Variants in CACNA2D4 observed in about 807,000 individuals in gnomAD.
The protein encoded by CACNA2D4 is calcium voltage-gated channel auxiliary subunit alpha2delta 4, also known as voltage-dependent calcium channel subunit alpha-2/delta-4.
Under a neutral mutation model 163.8 loss-of-function variants are expected in CACNA2D4, and 157 were observed. That is an observed-to-expected ratio of 0.96 (90% CI 0.84 to 1.09). The LOEUF (loss-of-function observed/expected upper bound fraction) is 1.09. Ranked by LOEUF, CACNA2D4 falls within the 50% of genes least tolerant of loss-of-function variation. CACNA2D4 has a pLI of 0.00. For synonymous variants in CACNA2D4, 598 were observed against 586.9 expected (o/e 1.02, Z -0.27); for missense variants, 1,410 against 1,479.9 (o/e 0.95, Z 0.78).
At chr12:1,796,075 C>G in intron 35 of CACNA2D4, 1 of 338,034 alleles carries the variant, frequency 3.0e-6, no homozygotes, top group Non-Finnish European at 5.5e-6. Context: ...TATGCAGGGA[C>G]GACAGGCGTA....
At position 1,862,977 on chromosome 12, in the gene CACNA2D4, C is replaced by A. The variant is rs533528965; in HGVS notation, c.1879-2771G>T. On this transcript the variant is annotated intron_variant, in intron 18 of 37. Transcript: ENST00000382722. ...GATTTTATTTCATGTTTAGTGCTTT[C>A]TGTGTTTTTGCCTAGGAAATCTTTG... is the stretch of plus-strand genomic sequence containing the variant. 1.7e-4 allele frequency among the ~76,000 whole-genome samples: 26 copies of A among 152,254 alleles called. No homozygotes were observed. The South Asian group carries it at 3.9e-3, about 23-fold the overall frequency.
At chr12:1,881,549 C>T (rs899099904) in intron 13 of CACNA2D4, among the ~76,000 whole-genome samples, 6 of 152,366 alleles carry the variant, frequency 3.9e-5, no homozygotes, top group African/African-American at 1.4e-4. Context: ...GGGCTGGCTA[C>T]TGGCAGGCAG....
Position 1,879,824 on chromosome 12 carries a change from A to G in CACNA2D4, c.1543T>C (p.Phe515Leu). 1 of 1,603,086 alleles carries G rather than the reference A, an allele frequency of 6.2e-7. No homozygotes were observed. Among genetic ancestry groups the G allele is most frequent in the Non-Finnish European group, 8.5e-7 (1 of 1,174,902 alleles). The change falls in exon 14 of 38, where the codon TTC becomes CTC. Residue 515 changes from phenylalanine to leucine, a missense_variant. Transcript: ENST00000382722. ...CTCACCGTTTCGTTCTTCTTGCTGA[A>G]GACTGGCATGGCCACAGTGGTGAGC... ...TLLTTVAMPV[F>L]SKKNETRSHG...
Position 1,828,911 on chromosome 12 carries a change from C to A in CACNA2D4, c.2551+11828G>T, listed in dbSNP as rs1310796631. On this transcript the variant is annotated intron_variant, in intron 26 of 37. Coordinates refer to ENST00000382722, the MANE Select transcript of CACNA2D4 (RefSeq NM_172364.5). This position sits in a 1 kb window ranked among gnomAD's most constrained non-coding sequence, Gnocchi z 4.2. The stretch of plus-strand genomic sequence containing the variant: ...TTTATATGTGGCAAAGGGACCAGGT[C>A]AGCAAGGGCTGGTCTGCCCAAGGCT... 2.0e-5 allele frequency among the ~76,000 whole-genome samples: 3 copies of A among 152,200 alleles called. No homozygotes were observed. The highest frequency in any genetic ancestry group is 4.4e-5 in the Non-Finnish European group (3 of 68,036).
intron 23 of CACNA2D4, among the ~76,000 whole-genome samples, chr12:1,852,085 A>G (rs1865296025): frequency 6.6e-6 from 1 of 152,094 alleles, no homozygotes; most frequent in Admixed American, 6.5e-5. Context: ...ATAACCTGCT[A>G]TTTTACTAAA....
In CACNA2D4 at chr12:1,809,522, A is replaced by G. The variant is rs79554674; in HGVS notation, c.2721+756T>C. 2.0e-3 allele frequency: 1,438 copies of G among 702,688 alleles called. 17 individuals carry two copies. In the African/African-American group the frequency reaches 0.021, roughly 10 times the overall value. 43.5% of individuals were successfully genotyped at this position (702,688 alleles called of 1,614,324 possible). ...AAATACATCTGGTGAATATATCTGG[A>G]TTTGCTTCAGGTTTGAATGGGCTTC... On this transcript the variant is annotated intron_variant, in intron 29 of 37. Transcript: ENST00000382722.
intron 22 of CACNA2D4, among the ~76,000 whole-genome samples, chr12:1,855,297 T>C (rs924012396): frequency 2.0e-5 from 3 of 152,014 alleles, no homozygotes; most frequent in African/African-American, 7.3e-5. Flanking sequence ...AATAAATAAG[T>C]AAGTAAGTGC....
intron 31 of CACNA2D4, 162 bp from the exon 32 acceptor site, chr12:1,800,600 C>T: frequency 1.5e-6 from 1 of 669,284 alleles, no homozygotes; most frequent in South Asian, 1.8e-5. Flanking sequence ...CCCCCCATCC[C>T]CCCACCTCCC....
intron 26 of CACNA2D4, among the ~76,000 whole-genome samples, chr12:1,823,793 G>C (rs974054625): frequency 9.9e-5 from 15 of 152,210 alleles, no homozygotes; most frequent in African/African-American, 3.6e-4. Context: ...AAAAACAGCT[G>C]CCTTCTCAGC....
At chr12:1,825,739 CTG>C (rs1864287692) in intron 26 of CACNA2D4, among the ~76,000 whole-genome samples, 1 of 152,208 alleles carries the variant, frequency 6.6e-6, no homozygotes, top group Admixed American at 6.5e-5. Context: ...GTGCCCTGCT[CTG>C]TGCACACGTA....
chr12:1,860,508 A>G (rs1397357588), intron 18 of CACNA2D4, among the ~76,000 whole-genome samples: 1 of 152,250 alleles, frequency 6.6e-6, no homozygotes. Flanking sequence ...TGGCCAAGGA[A>G]CTGAATTTTC....
At chr12:1,823,848 C>T (rs1864210629) in intron 26 of CACNA2D4, among the ~76,000 whole-genome samples, 1 of 152,172 alleles carries the variant, frequency 6.6e-6, no homozygotes. Flanking sequence ...CTGCAGAGGA[C>T]CATTCAGAGG....
At chr12:1,797,178 C>T (rs1050727333) in intron 35 of CACNA2D4, among the ~76,000 whole-genome samples, 3 of 152,232 alleles carry the variant, frequency 2.0e-5, no homozygotes, top group Non-Finnish European at 2.9e-5. Context: ...CACCTCTCCC[C>T]ATCCCGGCTG....
chr12:1,878,321 CCGGAGGT>C lies in CACNA2D4; in HGVS notation c.1706_1712del (p.Asp569GlyfsTer10). 1 of 1,609,028 alleles carries C rather than the reference CCGGAGGT, an allele frequency of 6.2e-7. No homozygotes were observed. Among genetic ancestry groups the C allele is most frequent in the Non-Finnish European group, 8.5e-7 (1 of 1,177,950 alleles). On this transcript the variant is annotated frameshift_variant, in exon 16 of 38. Transcript: ENST00000382722. LOFTEE classifies it high-confidence loss of function. The surrounding 1 kb of genome is among the most constrained non-coding windows in gnomAD (Gnocchi z 4.6). ...AAAGAAGATCTGTACCTACCAGGGGCCGGAGGTCGGGATGGGAGAGGATGTAGCCATT... is the reference window on the plus strand; with the variant it reads ...AAAGAAGATCTGTACCTACCAGGGGCCGGGATGGGAGAGGATGTAGCCATT...
rs937592491 is a variant in CACNA2D4, at chr12:1,812,529, C to A, written c.2552-806G>T. 7.2e-5 allele frequency among the ~76,000 whole-genome samples: 11 copies of A among 152,336 alleles called. No individual in the cohort carries two copies. In the East Asian group the frequency reaches 2.1e-3, roughly 29 times the overall value. On this transcript the variant is annotated intron_variant, in intron 26 of 37. Transcript: ENST00000382722. ...AAGAAGAAGAATTTCAAAACTAGGC[C>A]AGCTTCCTAGTGTCTGGTATAATAA...
intron 2 of CACNA2D4, among the ~76,000 whole-genome samples, chr12:1,914,052 G>A (rs1866899829): frequency 6.6e-6 from 1 of 152,198 alleles, no homozygotes; most frequent in Non-Finnish European, 1.5e-5. Flanking sequence ...CCGGGGAGCC[G>A]CCCACCCTGG....
chr12:1,793,494 T>C lies in CACNA2D4; in HGVS notation c.*161A>G. The C allele has an allele frequency of 2.9e-6, 2 of 677,984 alleles. No homozygotes were observed. The highest frequency in any genetic ancestry group is 2.7e-6 in the Non-Finnish European group (1 of 369,796). 42.0% of individuals were successfully genotyped at this position (677,984 alleles called of 1,614,324 possible). On this transcript the variant is annotated 3_prime_UTR_variant, in exon 38 of 38. Transcript: ENST00000382722. ...GCCAGGTGATTGGTTTCCTGTTCCA[T>C]CCAGCATTCTCCGGAGCCAGGGGCC...
chr12:1,878,454 A>T lies in CACNA2D4; in HGVS notation c.1645-65T>A. 1 of 1,554,930 alleles carries T rather than the reference A, an allele frequency of 6.4e-7. No individual in the cohort carries two copies. The highest frequency in any genetic ancestry group is 8.7e-7 in the Non-Finnish European group (1 of 1,149,268). ...TTGTGCTGGGCATCTGGAGTTGGGC[A>T]GGGGTTTGGGGGCCACAGGACGGTC... On this transcript the variant is annotated intron_variant, in intron 15 of 37. Coordinates refer to ENST00000382722, the MANE Select transcript of CACNA2D4 (RefSeq NM_172364.5). The surrounding 1 kb of genome is among the most constrained non-coding windows in gnomAD (Gnocchi z 4.6).
intron 18 of CACNA2D4, among the ~76,000 whole-genome samples, chr12:1,873,958 T>G (rs1353509530): frequency 6.6e-6 from 1 of 152,198 alleles, no homozygotes; most frequent in Non-Finnish European, 1.5e-5. Context: ...CCTGTGCTCT[T>G]TCAGCTGAGG....
Sources: gnomAD v4.1 joint callset for allele counts (sites outside exome capture counted in the v4.1 genomes callset) on GRCh38, gnomAD v4.1.1 for gene constraint, Gnocchi (gnomAD v3.1) non-coding constraint, MANE v1.5 for transcripts, NCBI Gene and HGNC (gene_info 2026-07-23, HGNC 2026-07-21) for gene names.